Variants in ZNF521 observed in about 807,000 individuals in gnomAD.
ZNF521 encodes LYST-interacting protein 3.
ZNF521 carries 14 observed loss-of-function variants against 105.5 expected under a neutral mutation model. That is an observed-to-expected ratio of 0.13 (90% confidence interval 0.09 to 0.21). The LOEUF is 0.21. Among genes scored for constraint, ZNF521 ranks in the 10% least tolerant of loss-of-function variants. The pLI is 1.00. For synonymous variants in ZNF521, 635 were observed against 606.0 expected (o/e 1.05, Z -0.70); for missense variants, 1,233 against 1,629.7 (o/e 0.76, Z 4.19).
At chr18:25,348,355 G>T (rs750324017) in intron 2 of ZNF521, among the ~76,000 whole-genome samples, 3 of 152,206 alleles carry the variant, frequency 2.0e-5, no homozygotes, top group Non-Finnish European at 4.4e-5. Flanking sequence ...GAGAAGGCTA[G>T]GTATTTAACA....
intron 7 of ZNF521, among the ~76,000 whole-genome samples, chr18:25,070,846 A>G (rs2033201889): frequency 6.6e-6 from 1 of 152,098 alleles, no homozygotes; most frequent in South Asian, 2.1e-4. Context: ...AATAAATGAA[A>G]GCTGGGAAAT....
At chr18:25,337,368 A>C (rs1183300450) in intron 2 of ZNF521, among the ~76,000 whole-genome samples, 1 of 152,214 alleles carries the variant, frequency 6.6e-6, no homozygotes, top group East Asian at 1.9e-4. Context: ...CAGAGTCAAA[A>C]GGCAAACTGG....
chr18:25,202,293 T>C (rs946981302), intron 4 of ZNF521: 2 of 152,174 alleles, frequency 1.3e-5, no homozygotes, highest in African/African-American at 4.8e-5. Context: ...AAAATAATAC[T>C]ACAATACCAT....
chr18:25,163,186 T>C (rs7228987), intron 5 of ZNF521, among the ~76,000 whole-genome samples: 2,339 of 152,286 alleles, frequency 0.015, 58 homozygotes, highest in African/African-American at 0.053. Context: ...TTATCAAAGT[T>C]AGCATAGTCA....
intron 5 of ZNF521, among the ~76,000 whole-genome samples, chr18:25,114,200 G>A (rs2034258212): frequency 6.6e-6 from 1 of 152,144 alleles, no homozygotes; most frequent in South Asian, 2.1e-4. Flanking sequence ...ATGAATGAAT[G>A]CCCTTTATTT....
At chr18:25,200,716 A>C (rs1223000138) in intron 4 of ZNF521, among the ~76,000 whole-genome samples, 1 of 152,064 alleles carries the variant, frequency 6.6e-6, no homozygotes, top group Non-Finnish European at 1.5e-5. Context: ...CAAAACACTG[A>C]TTCTCTCTTC....
At chr18:25,146,583 C>T (rs1600090392) in intron 5 of ZNF521, among the ~76,000 whole-genome samples, 1 of 152,118 alleles carries the variant, frequency 6.6e-6, no homozygotes, top group Non-Finnish European at 1.5e-5. Context: ...AAAAAGCCCC[C>T]CATCTTTATT....
intron 3 of ZNF521, among the ~76,000 whole-genome samples, chr18:25,258,525 A>G (rs978390819): frequency 2.0e-5 from 3 of 152,214 alleles, no homozygotes; most frequent in Non-Finnish European, 2.9e-5. Flanking sequence ...CCTAATGGCA[A>G]TATGTTAAAA....
chr18:25,112,633 G>A (rs887570118), intron 5 of ZNF521, among the ~76,000 whole-genome samples: 2 of 152,180 alleles, frequency 1.3e-5, no homozygotes, highest in East Asian at 3.8e-4. Flanking sequence ...CATTTTGTCT[G>A]TAGTAGGGAA....
At chr18:25,191,772 C>T (rs1317826089) in intron 5 of ZNF521, among the ~76,000 whole-genome samples, 1 of 152,106 alleles carries the variant, frequency 6.6e-6, no homozygotes. Flanking sequence ...TTATATGAGG[C>T]AATCCCTTTG....
chr18:25,142,968 A>G (rs1435674590), intron 5 of ZNF521, among the ~76,000 whole-genome samples: 3 of 152,186 alleles, frequency 2.0e-5, no homozygotes, highest in East Asian at 1.9e-4. Context: ...TAATCTGACT[A>G]TAAACAAAAT....
intron 5 of ZNF521, among the ~76,000 whole-genome samples, chr18:25,102,026 T>C (rs1469745980): frequency 6.6e-6 from 1 of 152,152 alleles, no homozygotes; most frequent in African/African-American, 2.4e-5. Flanking sequence ...GAAAAATAAA[T>C]GTACAGCACA....
At chr18:25,134,157 C>T (rs1272848341) in intron 5 of ZNF521, among the ~76,000 whole-genome samples, 3 of 152,122 alleles carry the variant, frequency 2.0e-5, no homozygotes, top group Admixed American at 6.5e-5. Flanking sequence ...TCCTAACAGA[C>T]GGAATTTTAA....
chr18:25,244,452 G>T (rs1907566572), intron 3 of ZNF521, among the ~76,000 whole-genome samples: 1 of 152,130 alleles, frequency 6.6e-6, no homozygotes, highest in Non-Finnish European at 1.5e-5. Context: ...TAAAACTTCA[G>T]CTTCCCCAGT....
At chr18:25,069,236 T>C (rs1018070425) in intron 7 of ZNF521, among the ~76,000 whole-genome samples, 3 of 152,196 alleles carry the variant, frequency 2.0e-5, no homozygotes, top group African/African-American at 7.2e-5. Flanking sequence ...CTTATGCTAG[T>C]AAAATAGTTT....
intron 5 of ZNF521, among the ~76,000 whole-genome samples, chr18:25,114,033 T>A (rs1383203185): frequency 6.6e-6 from 1 of 152,120 alleles, no homozygotes; most frequent in East Asian, 1.9e-4. Flanking sequence ...GTTAGCACTG[T>A]GCACTGTTAT....
intron 7 of ZNF521, among the ~76,000 whole-genome samples, chr18:25,088,371 G>C (rs1382287676): frequency 1.3e-5 from 2 of 151,708 alleles, no homozygotes; most frequent in African/African-American, 4.8e-5. Context: ...GCCCGCCACT[G>C]TGCCTGGCTA....
intron 5 of ZNF521, among the ~76,000 whole-genome samples, chr18:25,122,323 T>A (rs2034459233): frequency 6.6e-6 from 1 of 152,184 alleles, no homozygotes; most frequent in Admixed American, 6.5e-5. Flanking sequence ...AATATACCTA[T>A]GACTAAAATC....
At position 25,062,733 on chromosome 18, in the gene ZNF521, T is replaced by C. The variant is rs1354268601; in HGVS notation, c.3915A>G (p.Thr1305=). The C allele has an allele frequency of 5.3e-6, 7 of 1,312,428 alleles. No homozygotes were observed. In the East Asian group the frequency reaches 1.7e-4, roughly 31 times the overall value. The allele number at this position is 1,312,428 out of a possible 1,614,324, so 81.3% of individuals were successfully genotyped here. The part of the protein sequence containing the change: ...FFFQTELQNH[T]MTQHSS ...TGCACTAACTGCTGTGTTGGGTCAT[T>C]GTATGATTCTGTAAATAACAAAAAA... The change falls in exon 8 of 8, where the codon ACA becomes ACG. Residue 1305 remains threonine (T), a synonymous_variant. Transcript: ENST00000361524.
Sources: allele counts gnomAD v4.1 joint callset (sites outside exome capture counted in the v4.1 genomes callset), GRCh38; gene constraint gnomAD v4.1.1; transcripts MANE v1.5; gene names NCBI Gene and HGNC (gene_info 2026-07-23, HGNC 2026-07-21).